The following DLG2 variants were observed in gnomAD, a reference collection of about 807,000 sequenced individuals.
DLG2 encodes the protein disks large homolog 2.
Under a neutral mutation model 132.5 loss-of-function variants are expected in DLG2, and 45 were observed. The observed-to-expected ratio is 0.34, with a 90% CI of 0.27 to 0.44. DLG2 has a LOEUF of 0.44. Among genes scored for constraint, DLG2 ranks in the 20% least tolerant of loss-of-function variants. The pLI is 1.00. For synonymous variants in DLG2, 424 were observed against 419.6 expected, an observed-to-expected ratio of 1.01 and a Z score of -0.13; for missense variants, 1,045 against 1,196.9, an observed-to-expected ratio of 0.87 and a Z score of 1.87.
At chr11:84,446,572 T>G (rs1602275914) in intron 7 of DLG2, among the ~76,000 whole-genome samples, 1 of 152,198 alleles carries the variant, frequency 6.6e-6, no homozygotes, top group South Asian at 2.1e-4. Flanking sequence ...AATTTTTTTT[T>G]TTTTTGACTT....
chr11:84,456,483 A>G (rs957126727), intron 7 of DLG2, among the ~76,000 whole-genome samples: 2 of 151,482 alleles, frequency 1.3e-5, no homozygotes, highest in East Asian at 1.9e-4. Context: ...TTGTGAAGTC[A>G]TGAACTAACT....
At chr11:84,063,677 G>A (rs1354256084) in intron 10 of DLG2, among the ~76,000 whole-genome samples, 3 of 151,940 alleles carry the variant, frequency 2.0e-5, no homozygotes, top group East Asian at 1.9e-4. Flanking sequence ...TGTTTATTGC[G>A]GCACTATTCA....
At chr11:84,006,881 T>C (rs1394754582) in intron 11 of DLG2, among the ~76,000 whole-genome samples, 2 of 151,704 alleles carry the variant, frequency 1.3e-5, no homozygotes, top group Non-Finnish European at 1.5e-5. Flanking sequence ...CACTGACTGT[T>C]TGTCATATCT....
chr11:83,714,263 T>C (rs755431182), intron 18 of DLG2, among the ~76,000 whole-genome samples: 1 of 150,756 alleles, frequency 6.6e-6, no homozygotes, highest in Non-Finnish European at 1.5e-5. Context: ...GAGAAGAGAG[T>C]AAAATGTAGG....
chr11:84,106,999 T>G (rs2092998677), intron 9 of DLG2, among the ~76,000 whole-genome samples: 1 of 68,442 alleles, frequency 1.5e-5, no homozygotes, highest in Admixed American at 1.5e-4. Flanking sequence ...TGTGTGTGTG[T>G]GTGTGTGTGT....
At chr11:83,805,239 G>A (rs571638126) in intron 17 of DLG2, among the ~76,000 whole-genome samples, 1 of 151,994 alleles carries the variant, frequency 6.6e-6, no homozygotes, top group African/African-American at 2.4e-5. Context: ...TAGCATCTAT[G>A]GATTATGCTT....
At chr11:84,546,191 G>A (rs2099389445) in intron 6 of DLG2, among the ~76,000 whole-genome samples, 1 of 152,232 alleles carries the variant, frequency 6.6e-6, no homozygotes. Flanking sequence ...GGATCATAGG[G>A]GTGGTTTCTA....
chr11:84,284,691 C>A (rs2097890329), intron 7 of DLG2, among the ~76,000 whole-genome samples: 1 of 152,180 alleles, frequency 6.6e-6, no homozygotes. Context: ...GTGTCTTCAC[C>A]ATCTTCTTCC....
intron 6 of DLG2, among the ~76,000 whole-genome samples, chr11:84,856,352 T>C (rs764790385): frequency 1.5e-4 from 23 of 152,086 alleles, no homozygotes; most frequent in Non-Finnish European, 3.1e-4. Context: ...CCCATTAGCA[T>C]GGAAGAGAAG....
chr11:84,308,042 G>A (rs1007106768), intron 7 of DLG2, among the ~76,000 whole-genome samples: 6 of 152,170 alleles, frequency 3.9e-5, no homozygotes, highest in South Asian at 2.1e-4. Context: ...TGCAAAGAGC[G>A]AAAGAACAAA....
At chr11:83,909,617 T>C (rs2075687210) in intron 15 of DLG2, among the ~76,000 whole-genome samples, 1 of 152,206 alleles carries the variant, frequency 6.6e-6, no homozygotes, top group South Asian at 2.1e-4. Flanking sequence ...TGTTTAACTT[T>C]TCAAAATTAC....
chr11:85,134,528 C>CAAAAAA (rs58266385), intron 5 of DLG2, among the ~76,000 whole-genome samples: 3 of 34,948 alleles, frequency 8.6e-5, no homozygotes, highest in South Asian at 1.0e-3. Flanking sequence ...GACTCCGTCT[C>CAAAAAA]AAAAAAAAAA....
chr11:83,639,242 G>A (rs530292583), intron 18 of DLG2, among the ~76,000 whole-genome samples: 38 of 152,274 alleles, frequency 2.5e-4, no homozygotes, highest in Non-Finnish European at 4.4e-4. Context: ...GATCAGTCAC[G>A]ACCTCATCCA....
chr11:83,502,899 A>T (rs1182229919), intron 21 of DLG2, among the ~76,000 whole-genome samples: 1 of 152,116 alleles, frequency 6.6e-6, no homozygotes, highest in East Asian at 1.9e-4. Context: ...TTTCTCATGA[A>T]CTTTCTCTTG....
chr11:85,234,865 T>C (rs1176827790), intron 4 of DLG2, among the ~76,000 whole-genome samples: 1 of 152,016 alleles, frequency 6.6e-6, no homozygotes, highest in Non-Finnish European at 1.5e-5. Context: ...TCTGTATTTG[T>C]ATAGTGTCTT....
intron 4 of DLG2, among the ~76,000 whole-genome samples, chr11:85,267,139 G>A (rs1171251050): frequency 6.6e-6 from 1 of 152,202 alleles, no homozygotes; most frequent in Non-Finnish European, 1.5e-5. Context: ...ATTGGGTCAT[G>A]AGGGTAGAGT....
chr11:84,845,369 A>G (rs1418628924), intron 6 of DLG2, among the ~76,000 whole-genome samples: 1 of 152,146 alleles, frequency 6.6e-6, no homozygotes, highest in African/African-American at 2.4e-5. Context: ...GGGTACAACG[A>G]TACACAAAAC....
intron 11 of DLG2, among the ~76,000 whole-genome samples, chr11:84,025,203 T>C (rs6592155): frequency 0.39 from 59,464 of 151,936 alleles, 12,478 homozygotes; most frequent in African/African-American, 0.53. Flanking sequence ...ATGGACTCAG[T>C]GCTACATGGC....
At chr11:84,990,824 C>G (rs1241554320) in intron 6 of DLG2, among the ~76,000 whole-genome samples, 1 of 151,988 alleles carries the variant, frequency 6.6e-6, no homozygotes, top group Non-Finnish European at 1.5e-5. Flanking sequence ...GTTTCTTTGA[C>G]AACTAAACAT....
Sources: allele counts gnomAD v4.1 joint callset (sites outside exome capture counted in the v4.1 genomes callset), GRCh38; gene constraint gnomAD v4.1.1; transcripts MANE v1.5; gene names NCBI Gene and HGNC (gene_info 2026-07-23, HGNC 2026-07-21).